Variants in ADGRB3 observed in about 807,000 individuals in gnomAD.
The protein encoded by ADGRB3 is brain-specific angiogenesis inhibitor 3.
In ADGRB3, 37 loss-of-function variants were observed where a neutral mutation model predicts 193.4. The observed-to-expected ratio is 0.19, with a 90% CI of 0.15 to 0.25. The LOEUF (loss-of-function observed/expected upper bound fraction) is 0.25. Ranked by LOEUF, ADGRB3 falls within the 10% of genes least tolerant of loss-of-function variation. The pLI, the probability that ADGRB3 is intolerant of heterozygous loss-of-function variation, is 1.00. For missense variants in ADGRB3, 1,637 were observed against 1,852.9 expected, an observed-to-expected ratio of 0.88 and a Z score of 2.14; for synonymous variants, 690 against 644.2, an observed-to-expected ratio of 1.07 and a Z score of -1.08.
intron 11 of ADGRB3, among the ~76,000 whole-genome samples, chr6:69,002,680 TG>T (rs1313957969): frequency 6.6e-6 from 1 of 152,178 alleles, no homozygotes; most frequent in Non-Finnish European, 1.5e-5. Context: ...TATTAAAAAT[TG>T]GGTTGATAAA....
chr6:69,273,977 A>G (rs909844500), intron 20 of ADGRB3, among the ~76,000 whole-genome samples: 16 of 152,208 alleles, frequency 1.1e-4, no homozygotes, highest in Admixed American at 2.0e-4. Context: ...TGATCTGTCT[A>G]TATGAGAATT....
chr6:68,807,241 T>TTC (rs1554197748), intron 3 of ADGRB3, among the ~76,000 whole-genome samples: 4 of 135,302 alleles, frequency 3.0e-5, no homozygotes, highest in Non-Finnish European at 4.7e-5. Context: ...TTTTCTTTTT[T>TTC]TTTTTTTTTT....
intron 20 of ADGRB3, among the ~76,000 whole-genome samples, chr6:69,259,127 C>T (rs192566481): frequency 6.6e-6 from 1 of 152,172 alleles, no homozygotes; most frequent in Admixed American, 6.5e-5. Context: ...TATTAAAAGA[C>T]AGGAATCCAG....
chr6:68,648,572 C>G (rs1019271862), intron 3 of ADGRB3, among the ~76,000 whole-genome samples: 1 of 148,828 alleles, frequency 6.7e-6, no homozygotes, highest in African/African-American at 2.5e-5. Context: ...TGTACTCAGA[C>G]GTTAATGCTT....
intron 26 of ADGRB3, among the ~76,000 whole-genome samples, chr6:69,341,908 C>T (rs759488054): frequency 1.3e-5 from 2 of 152,174 alleles, no homozygotes; most frequent in Non-Finnish European, 2.9e-5. Flanking sequence ...AACAGTGCTG[C>T]GTCACTATAT....
At chr6:69,076,750 T>G (rs1772244309) in intron 17 of ADGRB3, among the ~76,000 whole-genome samples, 3 of 152,120 alleles carry the variant, frequency 2.0e-5, no homozygotes, top group Admixed American at 2.0e-4. Flanking sequence ...ATAACTTTTA[T>G]TTTTTTGCTT....
chr6:68,993,997 T>C (rs1769314200), intron 11 of ADGRB3, 35 bp downstream of exon 11: 1 of 1,597,430 alleles, frequency 6.3e-7, no homozygotes, highest in Non-Finnish European at 8.6e-7. Flanking sequence ...AAAGGGCTAG[T>C]GAAGATGCAA....
intron 20 of ADGRB3, among the ~76,000 whole-genome samples, chr6:69,266,961 C>A (rs1167714462): frequency 1.3e-5 from 2 of 152,024 alleles, no homozygotes; most frequent in Admixed American, 6.6e-5. Context: ...TCCGCAGTGT[C>A]CTTGCAGAAG....
chr6:69,258,555 AG>A (rs1385614399), intron 20 of ADGRB3, among the ~76,000 whole-genome samples: 1 of 152,272 alleles, frequency 6.6e-6, no homozygotes. Context: ...TTAAAATGTT[AG>A]GGCTTACAGC....
chr6:69,093,396 G>A (rs1772772713), intron 17 of ADGRB3, among the ~76,000 whole-genome samples: 1 of 151,946 alleles, frequency 6.6e-6, no homozygotes, highest in Non-Finnish European at 1.5e-5. Context: ...GGAGAGTCAT[G>A]TAGCCTGGGT....
chr6:68,762,485 A>AAT (rs144260164), intron 3 of ADGRB3, among the ~76,000 whole-genome samples: 4,014 of 151,380 alleles, frequency 0.027, 79 homozygotes, highest in African/African-American at 0.051. Context: ...TCCAACCATG[A>AAT]ATATATATAT....
rs981755106 is a variant in ADGRB3 at position 69,347,614 on chromosome 6, C to CA, written c.3460-6610dup. 5.3e-5 allele frequency among the ~76,000 whole-genome samples: 8 copies of CA among 150,806 alleles called. No individual in the cohort carries two copies. The South Asian group carries it at 6.3e-4, about 12-fold the overall frequency. On this transcript the variant is annotated intron_variant, in intron 26 of 31. Transcript: ENST00000370598. ...CAACACAGTGAGACCCACATCTCTA[C>CA]AAAAAAAAATTTAAAAAACATTTAG... is the stretch of plus-strand genomic sequence containing the variant.
chr6:69,008,313 C>T (rs1769833380), intron 11 of ADGRB3, among the ~76,000 whole-genome samples: 2 of 152,004 alleles, frequency 1.3e-5, no homozygotes, highest in African/African-American at 4.8e-5. Flanking sequence ...AACAGAACAG[C>T]CAAATATAGA....
Position 68,802,117 on chromosome 6 carries a change from T to A in ADGRB3, c.758-128442T>A, listed in dbSNP as rs111752428. On this transcript the variant is annotated intron_variant, in intron 3 of 31. Coordinates refer to ENST00000370598, the MANE Select transcript of ADGRB3 (RefSeq NM_001704.3). ...AGCTCAATTTTGTAGAACTCAGACATAAACCCAAGACTCTCAAATCCCAGG... is the reference window on the plus strand; with the variant it reads ...AGCTCAATTTTGTAGAACTCAGACAAAAACCCAAGACTCTCAAATCCCAGG... Among the ~76,000 whole-genome samples the A allele has an allele frequency of 2.8e-3, 420 of 151,934 alleles. 1 individual carries two copies. Among genetic ancestry groups the A allele is most frequent in the African/African-American group, 9.7e-3 (400 of 41,392 alleles).
At chr6:68,641,460 G>A (rs1478418777) in intron 3 of ADGRB3, among the ~76,000 whole-genome samples, 1 of 151,972 alleles carries the variant, frequency 6.6e-6, no homozygotes, top group Non-Finnish European at 1.5e-5. Context: ...TAATTCACTG[G>A]CAAAATGAAA....
chr6:68,857,547 G>T (rs1765022779), intron 3 of ADGRB3, among the ~76,000 whole-genome samples: 1 of 152,148 alleles, frequency 6.6e-6, no homozygotes. Context: ...TTTGGCCAAT[G>T]TCTCCCATTT....
chr6:69,119,594 TG>T (rs1561924821), intron 17 of ADGRB3, among the ~76,000 whole-genome samples: 40 of 22,434 alleles, frequency 1.8e-3, no homozygotes, highest in Admixed American at 0.01. Context: ...CTTTTGTTTT[TG>T]TGTGTGTGTG....
intron 20 of ADGRB3, among the ~76,000 whole-genome samples, chr6:69,312,366 T>C (rs544234976): frequency 3.3e-5 from 5 of 151,890 alleles, no homozygotes; most frequent in African/African-American, 9.6e-5. Flanking sequence ...GAGTTCATTT[T>C]TGGAGATAGT....
intron 3 of ADGRB3, among the ~76,000 whole-genome samples, chr6:68,808,079 A>G (rs1389199459): frequency 1.3e-5 from 2 of 152,298 alleles, no homozygotes; most frequent in Non-Finnish European, 2.9e-5. Context: ...AATGGATCCA[A>G]TTTCCTCTTA....
Sources: allele counts gnomAD v4.1 joint callset (sites outside exome capture counted in the v4.1 genomes callset), GRCh38; gene constraint gnomAD v4.1.1; transcripts MANE v1.5; gene names NCBI Gene and HGNC (gene_info 2026-07-23, HGNC 2026-07-21).